The following GAB3 variants were observed in gnomAD, a reference collection of about 807,000 sequenced individuals.
GAB3 encodes GRB2-associated-binding protein 3.
In GAB3, 12 loss-of-function variants were observed where a neutral mutation model predicts 40.4. The ratio of observed to expected loss-of-function variants is 0.30; its 90% CI spans 0.19 to 0.48. GAB3 has a LOEUF of 0.48. Among genes scored for constraint, GAB3 ranks in the 20% least tolerant of loss-of-function variants. The pLI is 0.99. For synonymous variants in GAB3, 154 were observed against 176.7 expected, an observed-to-expected ratio of 0.87 and a Z score of 1.02; for missense variants, 381 against 461.9, an observed-to-expected ratio of 0.82 and a Z score of 1.61.
chrX:154,719,833 T>G (rs1010831865), intron 1 of GAB3, among the ~76,000 whole-genome samples: 26 of 111,889 alleles, frequency 2.3e-4, no homozygotes, highest in African/African-American at 8.5e-4. Flanking sequence ...GCAGTCAGTC[T>G]GCCAGCACTA....
intron 8 of GAB3, among the ~76,000 whole-genome samples, chrX:154,685,035 C>T: frequency 8.9e-6 from 1 of 111,794 alleles, no homozygotes; most frequent in Non-Finnish European, 1.9e-5. Context: ...TATCTTCCAG[C>T]TCACTAAATC....
intron 1 of GAB3, among the ~76,000 whole-genome samples, chrX:154,744,066 T>A (rs782808271): frequency 2.8e-5 from 3 of 108,732 alleles, no homozygotes; most frequent in Non-Finnish European, 3.8e-5. Flanking sequence ...ATACAAAAAT[T>A]AGCCAGATGT....
intron 4 of GAB3, among the ~76,000 whole-genome samples, chrX:154,708,076 C>T (rs1400484872): frequency 2.7e-5 from 3 of 112,048 alleles, no homozygotes; most frequent in African/African-American, 9.7e-5. Flanking sequence ...CCCACATGTA[C>T]ATGGTCAACT....
chrX:154,678,302 AG>A lies in GAB3; in HGVS notation c.1648-9del. The A allele has an allele frequency of 1.0e-6, 1 of 988,499 alleles. No individual in the cohort carries two copies. Among genetic ancestry groups the A allele is most frequent in the African/African-American group, 1.9e-5 (1 of 52,722 alleles). 81.5% of individuals were successfully genotyped at this position (988,499 alleles called of 1,213,427 possible). On this transcript the variant is annotated splice_polypyrimidine_tract_variant and intron_variant, in intron 9 of 9. Transcript: ENST00000424127. ...TTCTGAAAGGAGAAGTTTCTGAAGG[AG>A]GAGAACAAAAAGGTTTTCATTACAT...
In GAB3 at chrX:154,751,015, C is replaced by T; in HGVS notation, c.11G>A (p.Gly4Asp). Residue 4 changes from glycine (G) to aspartate (D), a missense_variant, in exon 1 of 10, where the codon GGC becomes GAC. By Grantham distance (94) the Gly-to-Asp change is moderately conservative. Around this residue, in one of 2 missense-constraint regions of GAB3, gnomAD observed 364 missense variants for 421.0 expected, o/e 0.86. Transcript: ENST00000424127. Reference sequence around the variant, plus strand: ...GAGCCAGCCGGTGCACACTGCGTCGCCCGCACTCATCGTGGCCGCCGCCGC... The same window carrying T: ...GAGCCAGCCGGTGCACACTGCGTCGTCCGCACTCATCGTGGCCGCCGCCGC... MSA[G>D]DAVCTGWLVK... The T allele has an allele frequency of 1.2e-6, 1 of 819,393 alleles. No homozygotes were observed. 67.5% of individuals were successfully genotyped at this position (819,393 alleles called of 1,213,427 possible).
chrX:154,705,708 T>C (rs954717910), intron 4 of GAB3, among the ~76,000 whole-genome samples: 16 of 111,795 alleles, frequency 1.4e-4, no homozygotes, highest in African/African-American at 4.9e-4. Context: ...TTCACCACTT[T>C]TATTCAACAT....
chrX:154,742,814 G>A (rs1362140206), intron 1 of GAB3, among the ~76,000 whole-genome samples: 1 of 110,117 alleles, frequency 9.1e-6, no homozygotes, highest in East Asian at 2.8e-4. Flanking sequence ...ATCAGTTGCT[G>A]CCTGGGGCTA....
In GAB3 at chrX:154,712,604, A is replaced by G; in HGVS notation, c.694T>C (p.Ser232Pro). 1 of 1,143,911 alleles carries G rather than the reference A, an allele frequency of 8.7e-7. No homozygotes were observed. The highest frequency in any genetic ancestry group is 1.2e-6 in the Non-Finnish European group (1 of 864,040). The allele number at this position is 1,143,911 out of a possible 1,213,427, so 94.3% of individuals were successfully genotyped here. The change falls in exon 4 of 10, where the codon TCC (serine) becomes CCC (proline). Residue 232 changes from serine (S) to proline (P), a missense_variant. By Grantham distance (74) the Ser-to-Pro change is moderately conservative. This residue lies in a region of GAB3 where 364 missense variants were observed against 421.0 expected (regional missense o/e 0.86). Coordinates refer to ENST00000424127, the MANE Select transcript of GAB3 (RefSeq NM_001081573.3). ...CATGAGGGGTGGACCAAATGACTGG[A>G]GGGGAGCGGCTGCAGGCAGTCAACA... ...VFVDCLQPLP[S>P]SHLVHPSCHG...
At chrX:154,749,316 T>C (rs2071575707) in intron 1 of GAB3, among the ~76,000 whole-genome samples, 1 of 113,019 alleles carries the variant, frequency 8.8e-6, no homozygotes, top group Admixed American at 9.3e-5. Flanking sequence ...TATTCTATAA[T>C]CTTTGCCCTC....
intron 1 of GAB3, among the ~76,000 whole-genome samples, chrX:154,730,919 T>A (rs2071282049): frequency 8.9e-6 from 1 of 112,462 alleles, no homozygotes; most frequent in South Asian, 3.7e-4. Flanking sequence ...GATCTGCTTC[T>A]ATAGCTTGTC....
At chrX:154,694,185 C>T (rs1189098322) in intron 8 of GAB3, among the ~76,000 whole-genome samples, 1 of 111,572 alleles carries the variant, frequency 9.0e-6, no homozygotes, top group Non-Finnish European at 1.9e-5. Context: ...TTTAAAAAAA[C>T]ACAATTGAAC....
chrX:154,690,733 A>C (rs1223191769), intron 8 of GAB3, among the ~76,000 whole-genome samples: 2 of 111,521 alleles, frequency 1.8e-5, no homozygotes, highest in Non-Finnish European at 3.8e-5. Flanking sequence ...ATCTCACACC[A>C]GTTAGAATGG....
chrX:154,708,792 CA>C (rs2070859199), intron 4 of GAB3, among the ~76,000 whole-genome samples: 1 of 111,979 alleles, frequency 8.9e-6, no homozygotes, highest in African/African-American at 3.2e-5. Context: ...TTATGGAAAA[CA>C]GTATGGAGGT....
intron 2 of GAB3, 144 bp from the exon 3 acceptor site, chrX:154,713,570 T>C: frequency 4.2e-6 from 2 of 473,846 alleles, no homozygotes; most frequent in Non-Finnish European, 7.1e-6. Flanking sequence ...TTCCCCAAGC[T>C]ATAAACAATG....
At chrX:154,749,991 G>A (rs1266089575) in intron 1 of GAB3, among the ~76,000 whole-genome samples, 1 of 113,081 alleles carries the variant, frequency 8.8e-6, no homozygotes, top group African/African-American at 3.2e-5. Context: ...AACCACATTT[G>A]GGGTGGGCTG....
intron 9 of GAB3, among the ~76,000 whole-genome samples, chrX:154,678,608 C>G (rs1247895212): frequency 8.9e-6 from 1 of 112,180 alleles, no homozygotes; most frequent in East Asian, 2.8e-4. Flanking sequence ...CAAATCTCAT[C>G]TTGAATTGTA....
chrX:154,702,263 A>C (rs1557252457), intron 4 of GAB3, among the ~76,000 whole-genome samples: 1 of 112,139 alleles, frequency 8.9e-6, no homozygotes. Flanking sequence ...ACTGGGAAAA[A>C]GATAGGCACA....
At chrX:154,718,907 T>C (rs185861187) in intron 1 of GAB3, among the ~76,000 whole-genome samples, 364 of 112,216 alleles carry the variant, frequency 3.2e-3, no homozygotes, top group African/African-American at 0.011. Context: ...ATGGAGACAA[T>C]AGATTTCTTA....
At chrX:154,732,840 G>A (rs967644038) in intron 1 of GAB3, among the ~76,000 whole-genome samples, 1 of 110,856 alleles carries the variant, frequency 9.0e-6, no homozygotes, top group Admixed American at 9.6e-5. Flanking sequence ...CCGAGCCCCC[G>A]GCCAGCACAT....
Sources: allele counts gnomAD v4.1 joint callset (sites outside exome capture counted in the v4.1 genomes callset), GRCh38; gene constraint gnomAD v4.1.1; regional missense constraint gnomAD v4.1.1; transcripts MANE v1.5; gene names NCBI Gene and HGNC (gene_info 2026-07-23, HGNC 2026-07-21).